The following ZNF343 variants were observed in gnomAD, a reference collection of about 807,000 sequenced individuals.
ZNF343 encodes the protein zinc finger protein 343.
ZNF343 carries 11 observed loss-of-function variants against 13.8 expected under a neutral mutation model. That is an observed-to-expected ratio of 0.80 (90% CI 0.50 to 1.32). ZNF343 has a LOEUF of 1.32. ZNF343 is among the 40% of genes most tolerant of loss of function. The probability of loss-of-function intolerance (pLI) is 0.00; values close to 1 mark genes in which losing one functional copy is unlikely to be tolerated. For missense variants in ZNF343, 658 were observed against 714.2 expected, an observed-to-expected ratio of 0.92 and a Z score of 0.90; for synonymous variants, 248 against 260.0, an observed-to-expected ratio of 0.95 and a Z score of 0.44.
At chr20:2,488,911 G>A (rs867989960) in intron 5 of ZNF343, among the ~76,000 whole-genome samples, 3 of 152,090 alleles carry the variant, frequency 2.0e-5, no homozygotes, top group African/African-American at 2.4e-5. Flanking sequence ...CTGGCATGGT[G>A]GCATGCACCT....
rs745502668 is a variant in ZNF343 at position 2,508,067 on chromosome 20, C to T, written c.-237+814G>A. ...TTGCCACAAAGCACAGGGGGCACCT[C>T]CCACATGACACACCTTGAGACAACA... On this transcript the variant is annotated intron_variant, in intron 1 of 5. Coordinates refer to ENST00000278772, the MANE Select transcript of ZNF343 (RefSeq NM_024325.6). The surrounding 1 kb of genome is among the most constrained non-coding windows in gnomAD (Gnocchi z 4.5). Among the ~76,000 whole-genome samples, 12 of 151,988 alleles carry T rather than the reference C, an allele frequency of 7.9e-5. No individual in the cohort carries two copies. The highest frequency in any genetic ancestry group is 2.9e-4 in the African/African-American group (12 of 41,356).
At position 2,505,952 on chromosome 20, in the gene ZNF343, T is replaced by C. The variant is rs2085648348; in HGVS notation, c.-237+2929A>G. 2.0e-5 allele frequency among the ~76,000 whole-genome samples: 3 copies of C among 152,060 alleles called. No individual in the cohort carries two copies. The South Asian group carries it at 6.2e-4, about 32-fold the overall frequency. On this transcript the variant is annotated intron_variant, in intron 1 of 5. Coordinates refer to ENST00000278772, the MANE Select transcript of ZNF343 (RefSeq NM_024325.6). ...CCAAAATTGACAAACGGGATCTAAT[T>C]AAACTAAAGAGCTTTTGCACAGCAA...
chr20:2,497,957 T>C (rs1357625804), intron 2 of ZNF343, among the ~76,000 whole-genome samples: 1 of 152,218 alleles, frequency 6.6e-6, no homozygotes, highest in East Asian at 1.9e-4. Flanking sequence ...AAGACTGATT[T>C]AGTCCTGCTA....
rs1568480740 is a variant in ZNF343, at chr20:2,493,866, TC to T, written c.29del (p.Gly10GlufsTer17). ...GCAAAATCTCTTCCCAGTATTGATC[TC>T]CCAGTGCTGAAGGATAAGGCAACAT... MMLPYPSAL[G>X]DQYWEEILLP... On this transcript the variant is annotated frameshift_variant, in exon 3 of 6. Transcript: ENST00000278772. LOFTEE classifies it high-confidence loss of function. 1 of 1,613,824 alleles carries T rather than the reference TC, an allele frequency of 6.2e-7. No homozygotes were observed. The highest frequency in any genetic ancestry group is 8.5e-7 in the Non-Finnish European group (1 of 1,179,784).
intron 1 of ZNF343, among the ~76,000 whole-genome samples, chr20:2,502,836 C>T (rs1008482433): frequency 1.2e-4 from 18 of 152,178 alleles, no homozygotes; most frequent in African/African-American, 3.4e-4. Flanking sequence ...AAGGAACAAC[C>T]GGTACCAGCC....
Position 2,483,050 on chromosome 20 carries a change from C to T in ZNF343, c.*111G>A, listed in dbSNP as rs929956694. On this transcript the variant is annotated 3_prime_UTR_variant, in exon 6 of 6. Transcript: ENST00000278772. ...GCTGACACATCTCTGGAACTTCACT[C>T]ACAATCTGTGTACACAGGGTCTACT... 1 of 1,317,870 alleles carries T rather than the reference C, an allele frequency of 7.6e-7. No individual in the cohort carries two copies. The highest frequency in any genetic ancestry group is 1.0e-6 in the Non-Finnish European group (1 of 969,156). 81.6% of individuals were successfully genotyped at this position (1,317,870 alleles called of 1,614,324 possible). A position where few individuals can be genotyped will look rare whatever the true frequency, so the allele number is the denominator to read the frequency against.
chr20:2,496,117 C>T (rs946703704), intron 2 of ZNF343, among the ~76,000 whole-genome samples: 18 of 152,158 alleles, frequency 1.2e-4, no homozygotes, highest in African/African-American at 4.3e-4. Context: ...AGAAAAGACA[C>T]AAGATATCAG....
chr20:2,521,686 C>A (rs753262395), intron 1 of ZNF343, among the ~76,000 whole-genome samples: 7 of 152,162 alleles, frequency 4.6e-5, no homozygotes, highest in Non-Finnish European at 8.8e-5. Context: ...GGAAACTTAG[C>A]CTTTGGATGG....
chr20:2,515,192 G>A (rs550896532), intron 1 of ZNF343, among the ~76,000 whole-genome samples: 1 of 152,264 alleles, frequency 6.6e-6, no homozygotes, highest in Non-Finnish European at 1.5e-5. Context: ...AGAATACATT[G>A]ATATTAATGT....
At chr20:2,497,059 A>G (rs2085471799) in intron 2 of ZNF343, among the ~76,000 whole-genome samples, 1 of 149,858 alleles carries the variant, frequency 6.7e-6, no homozygotes, top group African/African-American at 2.4e-5. Context: ...CAGCCTGGGC[A>G]ACAAAAGCAA....
At chr20:2,487,826 G>A (rs936811524) in intron 5 of ZNF343, among the ~76,000 whole-genome samples, 1 of 152,240 alleles carries the variant, frequency 6.6e-6, no homozygotes, top group Non-Finnish European at 1.5e-5. Context: ...TTAGCCAAGT[G>A]TTCTGTCAAC....
chr20:2,515,028 AAAG>A (rs1050063935), intron 1 of ZNF343, among the ~76,000 whole-genome samples: 4 of 151,588 alleles, frequency 2.6e-5, no homozygotes, highest in African/African-American at 7.3e-5. Flanking sequence ...GAAGAAGAAG[AAAG>A]AAGAAGGAAG....
intron 1 of ZNF343, among the ~76,000 whole-genome samples, chr20:2,507,635 G>A (rs1316662213): frequency 1.3e-5 from 2 of 152,144 alleles, no homozygotes; most frequent in African/African-American, 4.8e-5. Flanking sequence ...TTAGCCAGCT[G>A]GGCCAGTAAT....
At position 2,508,107 on chromosome 20, in the gene ZNF343, G is replaced by A. The variant is rs6083505; in HGVS notation, c.-237+774C>T. Among the ~76,000 whole-genome samples the A allele has an allele frequency of 0.49, 74,320 of 151,600 alleles. 18,571 individuals are homozygous for A. Among genetic ancestry groups the A allele is most frequent in the East Asian group, 0.64 (3,299 of 5,128 alleles). ...TTGAGACAACAGGTCCCAGAGAAAA[G>A]ACCTGCCCCCATTCAAAAGAGCTGC... On this transcript the variant is annotated intron_variant, in intron 1 of 5. Transcript: ENST00000278772. The surrounding 1 kb of genome is among the most constrained non-coding windows in gnomAD (Gnocchi z 4.5).
chr20:2,497,134 T>G (rs551996439), intron 2 of ZNF343, among the ~76,000 whole-genome samples: 31 of 152,124 alleles, frequency 2.0e-4, no homozygotes, highest in Admixed American at 3.9e-4. Flanking sequence ...CTGGAGCAAA[T>G]TTTGGGGGAG....
Position 2,484,471 on chromosome 20 carries a change from A to C in ZNF343, c.490T>G (p.Trp164Gly), listed in dbSNP as rs542750943. ...TCCTGACCTTCTGCATTTTCAAACC[A>C]ACAGCTTACATGGGAATACTGCTGC... ...QGQQYSHVSC[W>G]FENAEGQERG... The change falls in exon 6 of 6, where the codon TGG (tryptophan) becomes GGG (glycine). Residue 164 changes from tryptophan to glycine, a missense_variant. Transcript: ENST00000278772. The C allele has an allele frequency of 6.2e-7, 1 of 1,614,206 alleles. No individual in the cohort carries two copies. The highest frequency in any genetic ancestry group is 8.5e-7 in the Non-Finnish European group (1 of 1,180,044).
chr20:2,484,469 C>T lies in ZNF343; in HGVS notation c.492G>A (p.Trp164Ter), dbSNP rs1224000993. The T allele has an allele frequency of 1.2e-6, 2 of 1,614,216 alleles. No individual in the cohort carries two copies. Among genetic ancestry groups the T allele is most frequent in the Admixed American group, 3.3e-5 (2 of 60,024 alleles). ...TCTCCTGACCTTCTGCATTTTCAAA[C>T]CAACAGCTTACATGGGAATACTGCT... is the stretch of plus-strand genomic sequence containing the variant. ...QGQQYSHVSC[W>*]FENAEGQERG... is the part of the protein sequence containing the mutation. The change falls in exon 6 of 6, where the codon TGG becomes TGA. Residue 164 changes from tryptophan (W) to a stop codon, truncating the protein, a stop_gained. Coordinates refer to ENST00000278772, the MANE Select transcript of ZNF343 (RefSeq NM_024325.6). LOFTEE classifies it low-confidence loss of function (END_TRUNC).
chr20:2,522,452 T>C (rs1249778928), intron 1 of ZNF343, among the ~76,000 whole-genome samples: 2 of 152,238 alleles, frequency 1.3e-5, no homozygotes, highest in Admixed American at 6.5e-5. Context: ...CTGTTTTTAT[T>C]TAACCTACTT....
At chr20:2,515,795 A>G (rs1396697081) in intron 1 of ZNF343, among the ~76,000 whole-genome samples, 1 of 152,182 alleles carries the variant, frequency 6.6e-6, no homozygotes, top group Non-Finnish European at 1.5e-5. Context: ...TCAACCTTAG[A>G]CTTCGAGGTT....
Sources: gnomAD v4.1 joint callset for allele counts (sites outside exome capture counted in the v4.1 genomes callset) on GRCh38, gnomAD v4.1.1 for gene constraint, Gnocchi (gnomAD v3.1) non-coding constraint, MANE v1.5 for transcripts, NCBI Gene and HGNC (gene_info 2026-07-23, HGNC 2026-07-21) for gene names.